The following PLXNA4 variants were observed in gnomAD, a reference collection of about 807,000 sequenced individuals.
PLXNA4 encodes plexin-A4.
In PLXNA4, 44 loss-of-function variants were observed where a neutral mutation model predicts 191.8. That is an observed-to-expected ratio of 0.23 (90% CI 0.18 to 0.29). The LOEUF is 0.29. Ranked by LOEUF, PLXNA4 falls within the 10% of genes least tolerant of loss-of-function variation. PLXNA4 has a pLI of 1.00. For synonymous variants in PLXNA4, 1,082 were observed against 1,009.5 expected, an observed-to-expected ratio of 1.07 and a Z score of -1.36; for missense variants, 1,800 against 2,488.8, an observed-to-expected ratio of 0.72 and a Z score of 5.89.
intron 19 of PLXNA4, 145 bp from the exon 20 acceptor site, chr7:132,180,066 G>A: frequency 7.2e-7 from 1 of 1,392,622 alleles, no homozygotes; most frequent in Non-Finnish European, 9.5e-7. Flanking sequence ...AGAGGGCATG[G>A]GGGGCTGGGA....
chr7:132,608,803 A>T (rs1278641023), intron 2 of PLXNA4, among the ~76,000 whole-genome samples: 1 of 152,132 alleles, frequency 6.6e-6, no homozygotes, highest in African/African-American at 2.4e-5. Flanking sequence ...TGCAACCCTC[A>T]GGGATTACTC....
At chr7:132,527,539 CAAAAAAAAAAAAAA>C (rs34598256) in intron 1 of PLXNA4, among the ~76,000 whole-genome samples, 4 of 59,716 alleles carry the variant, frequency 6.7e-5, no homozygotes, top group African/African-American at 2.5e-4. Context: ...GAAACAGACT[CAAAAAAAAAAAAAA>C]AAAAAAAAAG....
chr7:132,131,642 T>G (rs1794929915), intron 31 of PLXNA4, among the ~76,000 whole-genome samples: 1 of 152,208 alleles, frequency 6.6e-6, no homozygotes, highest in Admixed American at 6.5e-5. Context: ...GCGCCATCAT[T>G]TCATAGATGG....
Position 132,484,691 on chromosome 7 carries a change from A to C in PLXNA4, c.1371+4601T>G, listed in dbSNP as rs938325623. On this transcript the variant is annotated intron_variant, in intron 3 of 31. Transcript: ENST00000321063. ...CCCTCTGCCCTAACCACATGTTCCT[A>C]GTCTATTTGGTGTTCCAACATTGTA... 4.4e-5 allele frequency: 64 copies of C among 1,440,306 alleles called. No individual in the cohort carries two copies. The African/African-American group carries it at 8.7e-4, about 20-fold the overall frequency. 89.2% of individuals were successfully genotyped at this position (1,440,306 alleles called of 1,614,324 possible).
chr7:132,233,705 C>A (rs1378681592), intron 5 of PLXNA4, among the ~76,000 whole-genome samples: 1 of 152,226 alleles, frequency 6.6e-6, no homozygotes, highest in Non-Finnish European at 1.5e-5. Context: ...ACCCAAGAAC[C>A]TTTCTGGGCT....
rs771687932 is a variant in PLXNA4, at chr7:132,179,873, G to C, written c.3688C>G (p.Pro1230Ala). 1.2e-6 allele frequency: 2 copies of C among 1,613,156 alleles called. No homozygotes were observed. Among genetic ancestry groups the C allele is most frequent in the Non-Finnish European group, 1.7e-6 (2 of 1,179,954 alleles). Residue 1230 changes from proline (P) to alanine (A), a missense_variant, in exon 20 of 32, where the codon CCG (proline) becomes GCG (alanine). By Grantham distance (27) the Pro-to-Ala change is conservative (BLOSUM62 -1). Coordinates refer to ENST00000321063, the MANE Select transcript of PLXNA4 (RefSeq NM_020911.2). ...GCGGGCAGGCTGAGCGGGCTGTCCG[G>C]GGCAATGTACACCATCCCCGGGGAG... ...EYSPGMVYIA[P>A]DSPLSLPAIV... is the part of the protein sequence containing the mutation.
chr7:132,209,217 T>C (rs1257432074), intron 10 of PLXNA4, among the ~76,000 whole-genome samples: 1 of 152,228 alleles, frequency 6.6e-6, no homozygotes, highest in East Asian at 1.9e-4. Flanking sequence ...GTCCCTCTCT[T>C]GGGCACAGCC....
intron 29 of PLXNA4, 120 bp from the exon 30 acceptor site, chr7:132,140,931 C>A: frequency 1.4e-6 from 2 of 1,478,858 alleles, no homozygotes; most frequent in South Asian, 2.8e-5. Flanking sequence ...TAAGAGCCTT[C>A]TCTATGCTGC....
intron 3 of PLXNA4, among the ~76,000 whole-genome samples, chr7:132,467,608 T>A (rs967417282): frequency 6.6e-6 from 1 of 151,968 alleles, no homozygotes; most frequent in African/African-American, 2.4e-5. Context: ...AGTTCAAAGG[T>A]GGGAAATTAA....
intron 3 of PLXNA4, among the ~76,000 whole-genome samples, chr7:132,420,046 G>A (rs956716): frequency 0.029 from 4,422 of 152,172 alleles, 95 homozygotes; most frequent in Middle Eastern, 0.044. Context: ...ATCAACCAAC[G>A]CTTGCAGCAT....
At chr7:132,441,765 C>T (rs984074587) in intron 3 of PLXNA4, among the ~76,000 whole-genome samples, 8 of 152,206 alleles carry the variant, frequency 5.3e-5, no homozygotes, top group African/African-American at 1.9e-4. Flanking sequence ...TAATCCTATT[C>T]CTTGGCTGCC....
chr7:132,554,956 T>C (rs1800723497), intron 1 of PLXNA4, among the ~76,000 whole-genome samples: 2 of 149,886 alleles, frequency 1.3e-5, no homozygotes, highest in African/African-American at 4.9e-5. Context: ...CAATAATTAC[T>C]CACTAATGGT....
At chr7:132,405,832 A>G (rs1794197209) in intron 3 of PLXNA4, among the ~76,000 whole-genome samples, 1 of 152,142 alleles carries the variant, frequency 6.6e-6, no homozygotes, top group Admixed American at 6.5e-5. Flanking sequence ...AGGAAATCTT[A>G]CTCACATTGA....
chr7:132,623,234 TA>T (rs1803305181), intron 2 of PLXNA4, among the ~76,000 whole-genome samples: 1 of 151,834 alleles, frequency 6.6e-6, no homozygotes, highest in African/African-American at 2.4e-5. Context: ...TAATCCCAGG[TA>T]CTCGGGAGAC....
chr7:132,503,139 A>C (rs541858222), intron 2 of PLXNA4, among the ~76,000 whole-genome samples: 1 of 152,062 alleles, frequency 6.6e-6, no homozygotes, highest in Non-Finnish European at 1.5e-5. Context: ...AGTGGAGTGA[A>C]TGACAGTCAC....
intron 2 of PLXNA4, among the ~76,000 whole-genome samples, chr7:132,637,534 C>T (rs1256446088): frequency 6.6e-6 from 1 of 152,202 alleles, no homozygotes; most frequent in Non-Finnish European, 1.5e-5. Context: ...AAAGATGCCC[C>T]CAGACTTGCT....
chr7:132,560,314 C>G (rs1268912850), intron 1 of PLXNA4, among the ~76,000 whole-genome samples: 5 of 152,180 alleles, frequency 3.3e-5, no homozygotes, highest in Non-Finnish European at 7.3e-5. Context: ...TACTCAACCT[C>G]CCGGGATTGT....
At chr7:132,131,709 T>G (rs1196464996) in intron 31 of PLXNA4, among the ~76,000 whole-genome samples, 1 of 152,244 alleles carries the variant, frequency 6.6e-6, no homozygotes, top group East Asian at 1.9e-4. Context: ...GAATCCTTTC[T>G]GAGAGGAGAC....
intron 4 of PLXNA4, among the ~76,000 whole-genome samples, chr7:132,255,895 G>C (rs1799414966): frequency 6.6e-6 from 1 of 152,270 alleles, no homozygotes; most frequent in Non-Finnish European, 1.5e-5. Flanking sequence ...ACCTGGAAAA[G>C]TTAAGAAAAG....
Sources: gnomAD v4.1 joint callset for allele counts (sites outside exome capture counted in the v4.1 genomes callset) on GRCh38, gnomAD v4.1.1 for gene constraint, MANE v1.5 for transcripts, NCBI Gene and HGNC (gene_info 2026-07-23, HGNC 2026-07-21) for gene names.